TMEM205: variants seen among roughly 807,000 people sequenced by gnomAD.
TMEM205 encodes transmembrane protein 205.
A neutral mutation model predicts 17.9 loss-of-function variants in TMEM205; 11 were observed. That is an observed-to-expected ratio of 0.61 (90% CI 0.39 to 1.02). TMEM205 has a LOEUF of 1.02. Ranked by LOEUF, TMEM205 falls within the 50% of genes least tolerant of loss-of-function variation. The pLI is 0.01. For missense variants in TMEM205, 236 were observed against 239.4 expected (o/e 0.99, Z 0.09); for synonymous variants, 86 against 97.4 (o/e 0.88, Z 0.69).
chr19:11,343,241 A>C, intron 2 of TMEM205, 121 bp from the exon 3 acceptor site: 1 of 1,033,732 alleles, frequency 9.7e-7, no homozygotes, highest in Non-Finnish European at 1.4e-6. Flanking sequence ...TGGATCAAAA[A>C]ACCTGCCTCC....
In TMEM205 at chr19:11,345,396, G is replaced by A; in HGVS notation, c.120C>T (p.Ser40=). 1 of 1,614,174 alleles carries A rather than the reference G, an allele frequency of 6.2e-7. No individual in the cohort carries two copies. Among genetic ancestry groups the A allele is most frequent in the South Asian group, 1.1e-5 (1 of 91,074 alleles). ...CTAGTCCGAAGGTATGTCGGGGAAG[G>A]CTTCGGAAAAGCAGGAAGCCTGCAG... is the stretch of plus-strand genomic sequence containing the variant. ...TFVSGFLLFR[S]LPRHTFGLVQ... Residue 40 remains serine (S), a synonymous_variant, in exon 2 of 3, where the codon AGC becomes AGT. Coordinates refer to ENST00000354882, the MANE Select transcript of TMEM205 (RefSeq NM_198536.3).
rs1967200008 is a variant in TMEM205, at chr19:11,345,930, A to ATCATAGCCCTAGGTCT, written c.-312_-311insAGACCTAGGGCTATGA. 4 of 344,952 alleles carry ATCATAGCCCTAGGTCT rather than the reference A, an allele frequency of 1.2e-5. No homozygotes were observed. The highest frequency in any genetic ancestry group is 2.2e-5 in the Non-Finnish European group (4 of 184,878). The allele number at this position is 344,952 out of a possible 1,614,324, so 21.4% of individuals were successfully genotyped here. On this transcript the variant is annotated 5_prime_UTR_variant, in exon 1 of 3. It adds an upstream start codon to the 5' untranslated region. Coordinates refer to ENST00000354882, the MANE Select transcript of TMEM205 (RefSeq NM_198536.3). ...AGATCATAGCCCTAGGTCTTCAGAG[A>ATCATAGCCCTAGGTCT]TCACTCCACTAATTCCCAAATATCA...
upstream of TMEM205, chr19:11,346,405 T>C: frequency 1.6e-6 from 1 of 642,514 alleles, no homozygotes; most frequent in Non-Finnish European, 2.7e-6. Context: ...CTCCACGGGC[T>C]TTTATCCAAT....
rs1967194452 is a variant in TMEM205, at chr19:11,345,859, T to C, written c.-240A>G. 1.5e-6 allele frequency: 1 copy of C among 686,626 alleles called. No homozygotes were observed. The highest frequency in any genetic ancestry group is 3.7e-5 in the East Asian group (1 of 26,682). The allele number at this position is 686,626 out of a possible 1,614,324, so 42.5% of individuals were successfully genotyped here. ...AGATCTCAGGCTCTCTGGACCTCAATCTCCATGCCACTTCAGAGGCCCCAA... is the reference window on the plus strand; with the variant it reads ...AGATCTCAGGCTCTCTGGACCTCAACCTCCATGCCACTTCAGAGGCCCCAA... On this transcript the variant is annotated 5_prime_UTR_variant, in exon 1 of 3. Coordinates refer to ENST00000354882, the MANE Select transcript of TMEM205 (RefSeq NM_198536.3).
chr19:11,344,872 T>C (rs79336120), intron 2 of TMEM205: 1 of 147,360 alleles, frequency 6.8e-6, no homozygotes, highest in Non-Finnish European at 1.5e-5. Context: ...TTTTTTTTTT[T>C]TGAGATGGAG....
In TMEM205 at chr19:11,342,899, C is replaced by T; in HGVS notation, c.486G>A (p.Gly162=). 1.2e-6 allele frequency: 2 copies of T among 1,614,212 alleles called. No individual in the cohort carries two copies. Among genetic ancestry groups the T allele is most frequent in the Non-Finnish European group, 8.5e-7 (1 of 1,180,036 alleles). ...AGCCCAGATTGCAAAGAGAGGACAG[C>T]CCATGGTAGCGGAAGAAATTCTGGC... ...ALRQNFFRYH[G]LSSLCNLGCV... The change falls in exon 3 of 3, where the codon GGG becomes GGA. Residue 162 remains glycine, a synonymous_variant. Coordinates refer to ENST00000354882, the MANE Select transcript of TMEM205 (RefSeq NM_198536.3).
At chr19:11,346,384 G>T, upstream of TMEM205, 1 of 618,080 alleles carries the variant, frequency 1.6e-6, no homozygotes. Flanking sequence ...ACCCCCCTGG[G>T]ATCCCGCCCC....
At position 11,345,928 on chromosome 19, in the gene TMEM205, A is replaced by G. The variant is rs1054279497; in HGVS notation, c.-309T>C. On this transcript the variant is annotated 5_prime_UTR_variant, in exon 1 of 3. Coordinates refer to ENST00000354882, the MANE Select transcript of TMEM205 (RefSeq NM_198536.3). The stretch of plus-strand genomic sequence containing the variant: ...CCAGATCATAGCCCTAGGTCTTCAG[A>G]GATCACTCCACTAATTCCCAAATAT... 2.9e-6 allele frequency: 1 copy of G among 349,640 alleles called. No homozygotes were observed. Among genetic ancestry groups the G allele is most frequent in the Non-Finnish European group, 5.3e-6 (1 of 187,642 alleles). 21.7% of individuals were successfully genotyped at this position (349,640 alleles called of 1,614,324 possible).
rs555973804 is a variant in TMEM205, at chr19:11,345,620, C to T, written c.-1G>A. ...CTCCTAGGTTCCCGCCTTCCTCCAT[C>T]TTGCAGTCCTGGGAAGGAGGCACCG... is the stretch of plus-strand genomic sequence containing the variant. On this transcript the variant is annotated 5_prime_UTR_variant, in exon 1 of 3. Transcript: ENST00000354882. 269 of 1,613,902 alleles carry T rather than the reference C, an allele frequency of 1.7e-4. 3 individuals are homozygous for T. In the South Asian group the frequency reaches 2.8e-3, roughly 17 times the overall value.
At chr19:11,343,826 A>G (rs1967034983) in intron 2 of TMEM205, among the ~76,000 whole-genome samples, 1 of 151,690 alleles carries the variant, frequency 6.6e-6, no homozygotes, top group South Asian at 2.1e-4. Flanking sequence ...GAAGGCAGGC[A>G]TGGTGGCTCA....
In TMEM205 at chr19:11,342,787, A is replaced by T; in HGVS notation, c.*28T>A. 1.9e-6 allele frequency: 3 copies of T among 1,573,000 alleles called. No individual in the cohort carries two copies. The highest frequency in any genetic ancestry group is 2.6e-6 in the Non-Finnish European group (3 of 1,160,330). On this transcript the variant is annotated 3_prime_UTR_variant, in exon 3 of 3. Coordinates refer to ENST00000354882, the MANE Select transcript of TMEM205 (RefSeq NM_198536.3). ...AAAAAGACAGCAGCCATTTCTGAAG[A>T]AGCATTTATTAGCATGCAGGGCCCA...
intron 1 of TMEM205, 30 bp from the exon 2 acceptor site, chr19:11,345,445 A>G: frequency 6.2e-7 from 1 of 1,613,986 alleles, no homozygotes; most frequent in South Asian, 1.1e-5. Flanking sequence ...CAGGGGTGTT[A>G]GGGCACTTCC....
At chr19:11,346,451 G>C (rs1460456625), upstream of TMEM205, 1 of 841,616 alleles carries the variant, frequency 1.2e-6, no homozygotes, top group East Asian at 2.7e-5. Flanking sequence ...GAAGCGTGAA[G>C]GCGCCAATGA....
rs1345237797 is a variant in TMEM205, at chr19:11,345,313, T to C, written c.203A>G (p.Asn68Ser). The C allele has an allele frequency of 3.7e-6, 6 of 1,613,822 alleles. No homozygotes were observed. Among genetic ancestry groups the C allele is most frequent in the African/African-American group, 1.3e-5 (1 of 74,842 alleles). Residue 68 changes from asparagine (N) to serine (S), a missense_variant, in exon 2 of 3, where the codon AAC becomes AGC. By Grantham distance (46) the Asn-to-Ser change is conservative. Coordinates refer to ENST00000354882, the MANE Select transcript of TMEM205 (RefSeq NM_198536.3). ...FHISMGCAFINLCILASQHAW... is the reference protein window; with the variant it reads ...FHISMGCAFISLCILASQHAW... ...ATGCTGTGAAGCCAAGATGCAGAGG[T>C]TGATGAAGGCACAGCCCATGGAGAT... is the stretch of plus-strand genomic sequence containing the variant.
chr19:11,343,222 G>T, intron 2 of TMEM205, 102 bp from the exon 3 acceptor site: 2 of 1,195,436 alleles, frequency 1.7e-6, no homozygotes, highest in Non-Finnish European at 2.3e-6. Context: ...GTGGGGGTGG[G>T]GACAGCACTG....
chr19:11,345,262 TCC>T lies in TMEM205; in HGVS notation c.252_253del (p.Trp84Ter). ...CTCAAACCCACGTACCTGGCTGGCC[TCC>T]CAGAATGTGAGCTGAGCCCAAGCAT... On this transcript the variant is annotated stop_gained and frameshift_variant, in exon 2 of 3. Coordinates refer to ENST00000354882, the MANE Select transcript of TMEM205 (RefSeq NM_198536.3). LOFTEE classifies it high-confidence loss of function. The T allele has an allele frequency of 6.2e-7, 1 of 1,614,068 alleles. No individual in the cohort carries two copies. The highest frequency in any genetic ancestry group is 8.5e-7 in the Non-Finnish European group (1 of 1,180,000).
chr19:11,345,454 C>T (rs1568307114), intron 1 of TMEM205, 39 bp from the exon 2 acceptor site: 1 of 1,613,776 alleles, frequency 6.2e-7, no homozygotes, highest in Non-Finnish European at 8.5e-7. Context: ...TAGGGCACTT[C>T]CCGGTTCCCC....
chr19:11,345,580 C>A lies in TMEM205; in HGVS notation c.40G>T (p.Val14Phe). ...GGNLGGLIKM[V>F]HLLVLSGAWG... ...GCACCTGACAAGACCAGTAGATGGA[C>A]CATCTTAATCAGGCCTCCTAGGTTC... The change falls in exon 1 of 3, where the codon GTC becomes TTC. Residue 14 changes from valine (V) to phenylalanine (F), a missense_variant. Val to Phe is a conservative substitution (Grantham distance 50). Coordinates refer to ENST00000354882, the MANE Select transcript of TMEM205 (RefSeq NM_198536.3). 1 of 1,614,098 alleles carries A rather than the reference C, an allele frequency of 6.2e-7. No homozygotes were observed. Among genetic ancestry groups the A allele is most frequent in the South Asian group, 1.1e-5 (1 of 91,086 alleles).
chr19:11,345,409 A>G lies in TMEM205; in HGVS notation c.107T>C (p.Leu36Pro). The G allele has an allele frequency of 6.2e-7, 1 of 1,614,176 alleles. No individual in the cohort carries two copies. The change falls in exon 2 of 3, where the codon CTG (leucine) becomes CCG (proline). Residue 36 changes from leucine (L) to proline (P), a missense_variant. Physicochemically the swap from Leu to Pro is moderately conservative, Grantham distance 98. Coordinates refer to ENST00000354882, the MANE Select transcript of TMEM205 (RefSeq NM_198536.3). The stretch of plus-strand genomic sequence containing the variant: ...ATGTCGGGGAAGGCTTCGGAAAAGC[A>G]GGAAGCCTGCAGGGTATGGGGACCA... ...QMWVTFVSGF[L>P]LFRSLPRHTF...
Sources: gnomAD v4.1 joint callset for allele counts (sites outside exome capture counted in the v4.1 genomes callset) on GRCh38, gnomAD v4.1.1 for gene constraint, MANE v1.5 for transcripts, NCBI Gene and HGNC (gene_info 2026-07-23, HGNC 2026-07-21) for gene names.